The following ATF6B variants were observed in gnomAD, a reference collection of about 807,000 sequenced individuals.
The protein encoded by ATF6B is cyclic AMP-dependent transcription factor ATF-6 beta.
ATF6B carries 50 observed loss-of-function variants against 83.5 expected under a neutral mutation model. The ratio of observed to expected loss-of-function variants is 0.60; its 90% confidence interval spans 0.48 to 0.76. ATF6B has a LOEUF of 0.76. Among genes scored for constraint, ATF6B ranks in the 30% least tolerant of loss-of-function variants. The pLI is 0.00. For missense variants in ATF6B, 790 were observed against 893.8 expected (o/e 0.88, Z 1.48); for synonymous variants, 344 against 362.8 (o/e 0.95, Z 0.59).
In ATF6B at chr6:32,118,743, G is replaced by A; in HGVS notation, c.1244+32C>T. The A allele has an allele frequency of 6.2e-7, 1 of 1,605,942 alleles. No homozygotes were observed. Among genetic ancestry groups the A allele is most frequent in the South Asian group, 1.1e-5 (1 of 90,874 alleles). Reference sequence around the variant, plus strand: ...GGAGGCTGTAACGTGGGCTCCACCTGGAAGGTTCTAGTGAAGCAAGGAAGG... The same window carrying A: ...GGAGGCTGTAACGTGGGCTCCACCTAGAAGGTTCTAGTGAAGCAAGGAAGG... On this transcript the variant is annotated intron_variant, in intron 11 of 17. Transcript: ENST00000375203. This position sits in a 1 kb window ranked among gnomAD's most constrained non-coding sequence, Gnocchi z 5.2.
chr6:32,123,723 T>C (rs1453049941), intron 5 of ATF6B, among the ~76,000 whole-genome samples: 2 of 152,076 alleles, frequency 1.3e-5, no homozygotes, highest in African/African-American at 4.8e-5. Flanking sequence ...TTGTGTATCT[T>C]TTTTATAACA....
rs1781951958 is a variant in ATF6B at position 32,125,876 on chromosome 6, C to T, written c.478+241G>A. 6.6e-6 allele frequency among the ~76,000 whole-genome samples: 1 copy of T among 152,186 alleles called. No individual in the cohort carries two copies. The highest frequency in any genetic ancestry group is 1.5e-5 in the Non-Finnish European group (1 of 68,034). On this transcript the variant is annotated intron_variant, in intron 5 of 17. Transcript: ENST00000375203. The surrounding 1 kb of genome is among the most constrained non-coding windows in gnomAD (Gnocchi z 4.1). ...GTAAGTTGAATGGCATGACAGAATACTAGGAACAAGAAAAAGAGAGAAAAA... is the reference window on the plus strand; with the variant it reads ...GTAAGTTGAATGGCATGACAGAATATTAGGAACAAGAAAAAGAGAGAAAAA...
At chr6:32,121,523 A>G (rs963761652) in intron 5 of ATF6B, among the ~76,000 whole-genome samples, 175 bp from the exon 6 acceptor site, 1 of 152,032 alleles carries the variant, frequency 6.6e-6, no homozygotes, top group East Asian at 1.9e-4. Context: ...ACCAACATGG[A>G]GAAACCCCGT....
At position 32,117,465 on chromosome 6, in the gene ATF6B, C is replaced by T; in HGVS notation, c.1533-61G>A. 1.2e-6 allele frequency: 2 copies of T among 1,601,802 alleles called. No individual in the cohort carries two copies. The highest frequency in any genetic ancestry group is 1.1e-5 in the South Asian group (1 of 89,980). ...GGCCAAGATTCCCACCCTCCTTGCC[C>T]ACCCACAGGAGTGAGGAGAGGGCAG... On this transcript the variant is annotated intron_variant, in intron 13 of 17. Transcript: ENST00000375203. This position sits in a 1 kb window ranked among gnomAD's most constrained non-coding sequence, Gnocchi z 5.0.
intron 8 of ATF6B, 100 bp from the exon 9 acceptor site, chr6:32,120,057 T>C: frequency 6.9e-7 from 1 of 1,442,146 alleles, no homozygotes; most frequent in South Asian, 1.4e-5. Flanking sequence ...CCTCAATGGC[T>C]GCAAGCTCTC....
At chr6:32,120,581 G>A (rs1781721355) in intron 8 of ATF6B, 190 bp downstream of exon 8, 1 of 581,276 alleles carries the variant, frequency 1.7e-6, no homozygotes, top group Non-Finnish European at 2.7e-6. Flanking sequence ...CTCCCGAGGA[G>A]CTGGGATTAC....
rs1413765334 is a variant in ATF6B, at chr6:32,115,933, C to T, written c.1918G>A (p.Glu640Lys). 1.2e-6 allele frequency: 2 copies of T among 1,614,054 alleles called. No homozygotes were observed. Among genetic ancestry groups the T allele is most frequent in the Non-Finnish European group, 1.7e-6 (2 of 1,179,942 alleles). ...LSGRGAPGDYEEMMQIECEVM... is the reference protein window; with the variant it reads ...LSGRGAPGDYKEMMQIECEVM... ...TCACACTCGATCTGCATCATCTCCT[C>T]ATAGTCCCCCGGGGCCCCACGGCCT... The change falls in exon 18 of 18, where the codon GAG becomes AAG. Residue 640 changes from glutamate to lysine, a missense_variant. Coordinates refer to ENST00000375203, the MANE Select transcript of ATF6B (RefSeq NM_004381.5).
chr6:32,117,600 T>G lies in ATF6B; in HGVS notation c.1519A>C (p.Thr507Pro). 6.2e-7 allele frequency: 1 copy of G among 1,614,028 alleles called. No individual in the cohort carries two copies. The change falls in exon 13 of 18, where the codon ACT becomes CCT. Residue 507 changes from threonine to proline, a missense_variant. Thr to Pro is a conservative substitution (Grantham distance 38). Coordinates refer to ENST00000375203, the MANE Select transcript of ATF6B (RefSeq NM_004381.5). This position sits in a 1 kb window ranked among gnomAD's most constrained non-coding sequence, Gnocchi z 5.0. ...TGAATCCCACACCTCAGGGACTCAG[T>G]GCGGTTGAAGTGCCGGCAATCAGAG... Reference protein sequence around the residue: ...LSSDCRHFNRTESLRLADELS... With the variant: ...LSSDCRHFNRPESLRLADELS...
Position 32,128,102 on chromosome 6 carries a change from TC to T in ATF6B, c.91+14del, listed in dbSNP as rs1285717172. The T allele has an allele frequency of 1.9e-6, 3 of 1,611,600 alleles. No homozygotes were observed. Among genetic ancestry groups the T allele is most frequent in the Admixed American group, 3.3e-5 (2 of 59,850 alleles). ...GACAGTTTGCCACAGCCCTCTCCCCTCCCCGGTGCCTCACTCTGCAGACCCC... is the reference window on the plus strand; with the variant it reads ...GACAGTTTGCCACAGCCCTCTCCCCTCCCGGTGCCTCACTCTGCAGACCCC... On this transcript the variant is annotated intron_variant, in intron 1 of 17. Transcript: ENST00000375203.
rs1781949110 is a variant in ATF6B, at chr6:32,125,811, C to G, written c.478+306G>C. Reference sequence around the variant, plus strand: ...AAATGTTGGGTGGAGGGGAATCACACAGATACATATGCCCTAAACTGCTCA... The same window carrying G: ...AAATGTTGGGTGGAGGGGAATCACAGAGATACATATGCCCTAAACTGCTCA... On this transcript the variant is annotated intron_variant, in intron 5 of 17. Transcript: ENST00000375203. The surrounding 1 kb of genome is among the most constrained non-coding windows in gnomAD (Gnocchi z 4.1). Among the ~76,000 whole-genome samples, 1 of 152,132 alleles carries G rather than the reference C, an allele frequency of 6.6e-6. No individual in the cohort carries two copies. The highest frequency in any genetic ancestry group is 6.5e-5 in the Admixed American group (1 of 15,268).
chr6:32,127,917 G>A, intron 1 of ATF6B, 167 bp from the exon 2 acceptor site: 1 of 998,080 alleles, frequency 1.0e-6, no homozygotes, highest in Non-Finnish European at 1.5e-6. Flanking sequence ...CCCGACCCCG[G>A]AACAACTCGA....
In ATF6B at chr6:32,121,020, G is replaced by C. The variant is rs956914132; in HGVS notation, c.669C>G (p.Ile223Met). Reference sequence around the variant, plus strand: ...AGCCATCAAGGGATGGGCCCATGCTGATCTGGACAGCTCCAAGTGAGGGGG... The same window carrying C: ...AGCCATCAAGGGATGGGCCCATGCTCATCTGGACAGCTCCAAGTGAGGGGG... ...VPAPSLGAVQ[I>M]SMGPSLDGSS... Residue 223 changes from isoleucine to methionine, a missense_variant, in exon 7 of 18, where the codon ATC (isoleucine) becomes ATG (methionine). Transcript: ENST00000375203. The C allele has an allele frequency of 2.6e-6, 4 of 1,540,742 alleles. No individual in the cohort carries two copies. The highest frequency in any genetic ancestry group is 1.4e-5 in the African/African-American group (1 of 72,462).
At position 32,118,677 on chromosome 6, in the gene ATF6B, T is replaced by G; in HGVS notation, c.1244+98A>C. ...GCCAAGGACACCAGAACCATTTGTA[T>G]ATAAGCAGAAGGAAATGGCCTGGGC... On this transcript the variant is annotated intron_variant, in intron 11 of 17. Transcript: ENST00000375203. The surrounding 1 kb of genome is among the most constrained non-coding windows in gnomAD (Gnocchi z 5.2). 1 of 1,216,294 alleles carries G rather than the reference T, an allele frequency of 8.2e-7. No individual in the cohort carries two copies. The highest frequency in any genetic ancestry group is 1.2e-6 in the Non-Finnish European group (1 of 834,746). The allele number at this position is 1,216,294 out of a possible 1,614,324, so 75.3% of individuals were successfully genotyped here.
rs751434077 is a variant in ATF6B, at chr6:32,128,177, C to T, written c.31G>A (p.Ala11Thr). 40 of 1,612,534 alleles carry T rather than the reference C, an allele frequency of 2.5e-5. No individual in the cohort carries two copies. In the African/African-American group the frequency reaches 3.6e-4, roughly 15 times the overall value. Residue 11 changes from alanine to threonine, a missense_variant, in exon 1 of 18, where the codon GCT (alanine) becomes ACT (threonine). Transcript: ENST00000375203. MAELMLLSEI[A>T]DPTRFFTDNL... is the part of the protein sequence containing the mutation. ...TCGGTGAAGAAACGCGTCGGGTCAGCAATCTCGCTGAGCAGCATCAGCTCC... is the reference window on the plus strand; with the variant it reads ...TCGGTGAAGAAACGCGTCGGGTCAGTAATCTCGCTGAGCAGCATCAGCTCC...
In ATF6B at chr6:32,128,195, T is replaced by C. The variant is rs1329384100; in HGVS notation, c.13A>G (p.Met5Val). The C allele has an allele frequency of 1.2e-6, 2 of 1,611,764 alleles. No homozygotes were observed. Among genetic ancestry groups the C allele is most frequent in the African/African-American group, 2.7e-5 (2 of 74,704 alleles). ...GGGTCAGCAATCTCGCTGAGCAGCA[T>C]CAGCTCCGCCATCTTTCCCCCCCAC... is the stretch of plus-strand genomic sequence containing the variant. MAEL[M>V]LLSEIADPTR... is the part of the protein sequence containing the mutation. Residue 5 changes from methionine (M) to valine (V), a missense_variant, in exon 1 of 18, where the codon ATG becomes GTG. This residue lies in a region of ATF6B where 253 missense variants were observed against 243.1 expected (regional missense o/e 1.04). Coordinates refer to ENST00000375203, the MANE Select transcript of ATF6B (RefSeq NM_004381.5).
At position 32,117,403 on chromosome 6, in the gene ATF6B, G is replaced by C. The variant is rs1255681915; in HGVS notation, c.1534C>G (p.Leu512Val). ...RHFNRTESLR[L>V]ADELSGWVQR... ...ACCCAGCCACTCAACTCGTCAGCAA[G>C]CCTGGGGAAATGGAGGAGCTCAGGA... is the stretch of plus-strand genomic sequence containing the variant. Residue 512 changes from leucine (L) to valine (V), a missense_variant and splice_region_variant, in exon 14 of 18, where the codon CTT (leucine) becomes GTT (valine). Around this residue, in one of 3 missense-constraint regions of ATF6B, gnomAD observed 530 missense variants for 632.6 expected, o/e 0.84. Coordinates refer to ENST00000375203, the MANE Select transcript of ATF6B (RefSeq NM_004381.5). The surrounding 1 kb of genome is among the most constrained non-coding windows in gnomAD (Gnocchi z 5.0). 6 of 1,614,016 alleles carry C rather than the reference G, an allele frequency of 3.7e-6. No homozygotes were observed. Among genetic ancestry groups the C allele is most frequent in the Non-Finnish European group, 5.1e-6 (6 of 1,179,964 alleles).
At position 32,119,777 on chromosome 6, in the gene ATF6B, C is replaced by A. The variant is rs748492045; in HGVS notation, c.966+47G>T. 1.2e-6 allele frequency: 2 copies of A among 1,601,992 alleles called. No individual in the cohort carries two copies. The highest frequency in any genetic ancestry group is 1.3e-5 in the African/African-American group (1 of 74,826). On this transcript the variant is annotated intron_variant, in intron 9 of 17. Transcript: ENST00000375203. This position sits in a 1 kb window ranked among gnomAD's most constrained non-coding sequence, Gnocchi z 4.9. Reference sequence around the variant, plus strand: ...GTTCTCTCTATGGCAAGACTTCCCTCTTCCCTTCCCATCACTCGCCCTACT... The same window carrying A: ...GTTCTCTCTATGGCAAGACTTCCCTATTCCCTTCCCATCACTCGCCCTACT...
At position 32,120,913 on chromosome 6, in the gene ATF6B, G is replaced by A. The variant is rs373694264; in HGVS notation, c.701-11C>T. On this transcript the variant is annotated splice_polypyrimidine_tract_variant and intron_variant, in intron 7 of 17. Transcript: ENST00000375203. ...TGGGCAGGGCTTTGCCTGAAGGAAG[G>A]TGAGAGAAAAGAACAAGAAATGTCA... is the stretch of plus-strand genomic sequence containing the variant. 5.2e-6 allele frequency: 8 copies of A among 1,528,168 alleles called. No individual in the cohort carries two copies. In the African/African-American group the frequency reaches 8.3e-5, roughly 16 times the overall value. The allele number at this position is 1,528,168 out of a possible 1,614,324, so 94.7% of individuals were successfully genotyped here.
In ATF6B at chr6:32,119,039, G is replaced by T; in HGVS notation, c.1069C>A (p.Leu357Met). ...KEYLQGLEAR[L>M]QAVLADNQQL... ...TGGTTGTCAGCCAGTACTGCTTGCA[G>T]CCGAGCCTCCAGTCCCTGCAGATAC... Residue 357 changes from leucine to methionine, a missense_variant, in exon 10 of 18, where the codon CTG becomes ATG. Coordinates refer to ENST00000375203, the MANE Select transcript of ATF6B (RefSeq NM_004381.5). This position sits in a 1 kb window ranked among gnomAD's most constrained non-coding sequence, Gnocchi z 4.9. 6.2e-7 allele frequency: 1 copy of T among 1,614,196 alleles called. No individual in the cohort carries two copies. Among genetic ancestry groups the T allele is most frequent in the Non-Finnish European group, 8.5e-7 (1 of 1,180,038 alleles).
Sources: allele counts gnomAD v4.1 joint callset (sites outside exome capture counted in the v4.1 genomes callset), GRCh38; gene constraint gnomAD v4.1.1; regional missense constraint gnomAD v4.1.1; non-coding constraint Gnocchi (gnomAD v3.1); transcripts MANE v1.5; gene names NCBI Gene and HGNC (gene_info 2026-07-23, HGNC 2026-07-21).